DMD: variants seen among roughly 807,000 people sequenced by gnomAD.
The protein encoded by DMD is mutant dystrophin.
DMD carries 63 observed loss-of-function variants against 330.1 expected under a neutral mutation model. That is an observed-to-expected ratio of 0.19 (90% CI 0.16 to 0.24). The LOEUF (loss-of-function observed/expected upper bound fraction) is 0.24, where lower values mean the gene tolerates loss of function less well. DMD is among the 10% of genes least tolerant of loss of function. The pLI is 1.00. For missense variants in DMD, 3,344 were observed against 2,684.1 expected (o/e 1.25, Z -5.43); for synonymous variants, 1,223 against 959.8 (o/e 1.27, Z -5.07).
chrX:33,314,521 G>A (rs1053003764), intron 1 of DMD, among the ~76,000 whole-genome samples: 6 of 102,861 alleles, frequency 5.8e-5, no homozygotes, highest in East Asian at 3.2e-4. Context: ...GCCTCGCAAA[G>A]TGTTGGGATT....
At chrX:32,988,306 C>A (rs2092898369) in intron 2 of DMD, among the ~76,000 whole-genome samples, 1 of 111,795 alleles carries the variant, frequency 8.9e-6, no homozygotes. Flanking sequence ...TAGCAGCCTT[C>A]CAGAAATCAC....
At chrX:33,200,288 T>A (rs1287600709) in intron 1 of DMD, among the ~76,000 whole-genome samples, 1 of 111,300 alleles carries the variant, frequency 9.0e-6, no homozygotes, top group Non-Finnish European at 1.9e-5. Flanking sequence ...TTCTTTACAC[T>A]TTTCAAATGG....
chrX:31,440,569 G>T (rs1373124927), intron 60 of DMD, among the ~76,000 whole-genome samples: 1 of 112,288 alleles, frequency 8.9e-6, no homozygotes, highest in Admixed American at 9.4e-5. Flanking sequence ...ATGTGACTGT[G>T]ACTGTGGTAC....
At chrX:32,967,665 G>A (rs771515167) in intron 2 of DMD, among the ~76,000 whole-genome samples, 9 of 111,381 alleles carry the variant, frequency 8.1e-5, no homozygotes, top group African/African-American at 2.9e-4. Context: ...TACGGACAGC[G>A]TCCACTAGAT....
rs141400215 is a variant in DMD, at chrX:32,861,385, A to G, written c.94-11565T>C. ...GTACCTAGCATAGAAAATGCTCAAT[A>G]AAAACATTAAATAAATTACATTCCC... On this transcript the variant is annotated intron_variant, in intron 2 of 78. Transcript: ENST00000357033. 9.3e-3 allele frequency among the ~76,000 whole-genome samples: 1,030 copies of G among 110,839 alleles called. 3 individuals carry two copies. Among genetic ancestry groups the G allele is most frequent in the Non-Finnish European group, 0.013 (709 of 53,229 alleles).
chrX:33,140,272 A>T (rs1471827552), intron 1 of DMD, among the ~76,000 whole-genome samples: 3 of 111,922 alleles, frequency 2.7e-5, no homozygotes, highest in Non-Finnish European at 5.6e-5. Context: ...TGTTATTCTC[A>T]AAATTTTAGG....
chrX:31,315,631 C>T lies in DMD; in HGVS notation c.9224+7967G>A, dbSNP rs1314100601. Among the ~76,000 whole-genome samples the T allele has an allele frequency of 2.3e-4, 26 of 112,167 alleles. No individual in the cohort carries two copies. The Admixed American group carries it at 2.4e-3, about 11-fold the overall frequency. ...CATTCTCACATTTCCAAAAGTGCCA[C>T]GAATGAGGCAGGGAATGCTATACCA... On this transcript the variant is annotated intron_variant, in intron 62 of 78. Coordinates refer to ENST00000357033, the MANE Select transcript of DMD (RefSeq NM_004006.3).
chrX:32,598,216 G>GC (rs1413082185), intron 12 of DMD, among the ~76,000 whole-genome samples: 1 of 112,057 alleles, frequency 8.9e-6, no homozygotes, highest in Non-Finnish European at 1.9e-5. Flanking sequence ...AAATGACTAT[G>GC]CATCTATTTT....
rs2098326717 is a variant in DMD at position 32,450,748 on chromosome X, T to G, written c.3604-2110A>C. 2.7e-5 allele frequency among the ~76,000 whole-genome samples: 3 copies of G among 110,908 alleles called. No homozygotes were observed. The South Asian group carries it at 1.1e-3, about 42-fold the overall frequency. On this transcript the variant is annotated intron_variant, in intron 26 of 78. Coordinates refer to ENST00000357033, the MANE Select transcript of DMD (RefSeq NM_004006.3). ...GAGCTGAAGAAGGAGCATGCTGTAG[T>G]CAGTCTAATGAATAAAATTACAATT...
At chrX:31,336,926 CTTTT>C (rs66807082) in intron 61 of DMD, among the ~76,000 whole-genome samples, 1 of 94,379 alleles carries the variant, frequency 1.1e-5, no homozygotes, top group Non-Finnish European at 2.1e-5. Context: ...TTCTTTCTTT[CTTTT>C]TTTTTTTTTT....
At chrX:33,187,708 G>A (rs1385245298) in intron 1 of DMD, among the ~76,000 whole-genome samples, 1 of 111,823 alleles carries the variant, frequency 8.9e-6, no homozygotes, top group Non-Finnish European at 1.9e-5. Flanking sequence ...TCAGGTCTGG[G>A]AGTGATGATT....
chrX:31,682,926 T>C (rs760609289), intron 52 of DMD, among the ~76,000 whole-genome samples: 2 of 112,149 alleles, frequency 1.8e-5, no homozygotes, highest in Non-Finnish European at 3.8e-5. Context: ...CTTCCTATTA[T>C]GTAGGAAGAT....
At chrX:31,779,321 G>A (rs769729919) in intron 50 of DMD, among the ~76,000 whole-genome samples, 1 of 111,439 alleles carries the variant, frequency 9.0e-6, no homozygotes, top group South Asian at 3.9e-4. Context: ...ATCCTTTCCC[G>A]TGTACCCTAT....
intron 42 of DMD, among the ~76,000 whole-genome samples, chrX:32,307,268 T>G (rs1267571974): frequency 9.0e-6 from 1 of 111,492 alleles, no homozygotes; most frequent in Non-Finnish European, 1.9e-5. Context: ...GATGGGGTCT[T>G]AATCCTGGAA....
intron 44 of DMD, among the ~76,000 whole-genome samples, chrX:32,126,241 A>G (rs2096660931): frequency 8.9e-6 from 1 of 112,277 alleles, no homozygotes; most frequent in African/African-American, 3.2e-5. Flanking sequence ...TGCAAAAGAG[A>G]CAGATAGTGG....
intron 42 of DMD, among the ~76,000 whole-genome samples, chrX:32,304,758 G>A (rs1195341171): frequency 9.0e-6 from 1 of 111,096 alleles, no homozygotes; most frequent in Admixed American, 9.6e-5. Context: ...TAAATGTGTT[G>A]AAAAACTCAA....
intron 1 of DMD, among the ~76,000 whole-genome samples, chrX:33,224,263 G>T (rs956422159): frequency 8.9e-6 from 1 of 112,124 alleles, no homozygotes; most frequent in Non-Finnish European, 1.9e-5. Flanking sequence ...ACTTATGTCC[G>T]CACAAAAACC....
At chrX:32,490,624 C>T (rs2042902517) in intron 20 of DMD, among the ~76,000 whole-genome samples, 1 of 111,028 alleles carries the variant, frequency 9.0e-6, no homozygotes. Context: ...TTCCTTAAGC[C>T]GGCCATGCTG....
At chrX:31,128,253 G>A (rs767396853) in intron 77 of DMD, among the ~76,000 whole-genome samples, 5 of 111,805 alleles carry the variant, frequency 4.5e-5, no homozygotes, top group South Asian at 3.7e-4. Flanking sequence ...TCTTGAGGAC[G>A]GGGTCCACAT....
Sources: allele counts gnomAD v4.1 joint callset (sites outside exome capture counted in the v4.1 genomes callset), GRCh38; gene constraint gnomAD v4.1.1; transcripts MANE v1.5; gene names NCBI Gene and HGNC (gene_info 2026-07-23, HGNC 2026-07-21).